Variants in MTUS2 observed in about 807,000 individuals in gnomAD.
MTUS2 encodes the protein microtubule associated scaffold protein 2.
MTUS2 carries 40 observed loss-of-function variants against 114.1 expected under a neutral mutation model. The observed-to-expected ratio is 0.35, with a 90% CI of 0.27 to 0.46. MTUS2 has a LOEUF of 0.46. MTUS2 is among the 20% of genes least tolerant of loss of function. The probability of loss-of-function intolerance (pLI) is 1.00; values close to 1 mark genes in which losing one functional copy is unlikely to be tolerated. For missense variants in MTUS2, 1,679 were observed against 1,705.4 expected, an observed-to-expected ratio of 0.98 and a Z score of 0.27; for synonymous variants, 688 against 672.0, an observed-to-expected ratio of 1.02 and a Z score of -0.37.
intron 4 of MTUS2, among the ~76,000 whole-genome samples, chr13:29,035,239 G>A (rs796456051): frequency 1.1e-4 from 17 of 152,292 alleles, no homozygotes; most frequent in Non-Finnish European, 1.6e-4. Context: ...AGAGAACAAT[G>A]TATGTTCCCA....
intron 2 of MTUS2, among the ~76,000 whole-genome samples, chr13:28,942,103 A>G (rs1882270642): frequency 6.6e-6 from 1 of 152,216 alleles, no homozygotes; most frequent in Non-Finnish European, 1.5e-5. Context: ...AAAGTAACAA[A>G]GATCTTACAT....
rs189646665 is a variant in MTUS2, at chr13:28,820,907, T to C, written c.-316+296T>C. On this transcript the variant is annotated intron_variant, in intron 1 of 15. Transcript: ENST00000612955. ...AGTTCTCCCCTACCCACCCCCAGCTTTGGATAATTTGGTCTGAGTCTTCGT... is the reference window on the plus strand; with the variant it reads ...AGTTCTCCCCTACCCACCCCCAGCTCTGGATAATTTGGTCTGAGTCTTCGT... 1.1e-3 allele frequency among the ~76,000 whole-genome samples: 174 copies of C among 152,278 alleles called. 1 individual carries two copies. The highest frequency in any genetic ancestry group is 1.2e-3 in the Non-Finnish European group (80 of 68,004).
At chr13:28,973,958 G>A (rs1043366741) in intron 2 of MTUS2, among the ~76,000 whole-genome samples, 1 of 152,204 alleles carries the variant, frequency 6.6e-6, no homozygotes, top group African/African-American at 2.4e-5. Context: ...AGCAGCCTGT[G>A]TTTTTATGTA....
chr13:29,198,843 T>C, intron 5 of MTUS2, among the ~76,000 whole-genome samples: 1 of 152,038 alleles, frequency 6.6e-6, no homozygotes, highest in East Asian at 1.9e-4. Context: ...TGAATGGGAG[T>C]TCACTCATGA....
chr13:29,003,213 C>T (rs796861919), intron 2 of MTUS2, among the ~76,000 whole-genome samples: 16 of 151,936 alleles, frequency 1.1e-4, no homozygotes, highest in African/African-American at 3.4e-4. Flanking sequence ...ACTTCTAAGC[C>T]TTTTGCATAA....
At chr13:29,375,561 A>AT (rs1566163328) in intron 8 of MTUS2, among the ~76,000 whole-genome samples, 7 of 5,070 alleles carry the variant, frequency 1.4e-3, no homozygotes, top group Admixed American at 3.4e-3. Context: ...ATATATACGT[A>AT]TATATATATA....
rs543112185 is a variant in MTUS2 at position 29,248,515 on chromosome 13, G to A, written c.2645-33189G>A. 1.1e-4 allele frequency among the ~76,000 whole-genome samples: 16 copies of A among 152,216 alleles called. 1 individual carries two copies. In the South Asian group the frequency reaches 2.7e-3, roughly 26 times the overall value. On this transcript the variant is annotated intron_variant, in intron 5 of 15. Coordinates refer to ENST00000612955, the MANE Select transcript of MTUS2 (RefSeq NM_001033602.4). ...AAGTTCCAGGATACATGTGGTGAAT[G>A]TACAGGTTTGTAATCTAGGTATATG...
At chr13:29,441,627 G>A (rs1362682020) in intron 9 of MTUS2, among the ~76,000 whole-genome samples, 1 of 152,064 alleles carries the variant, frequency 6.6e-6, no homozygotes, top group Non-Finnish European at 1.5e-5. Flanking sequence ...ACTTTTTCCT[G>A]AAGGGAAGCT....
intron 2 of MTUS2, among the ~76,000 whole-genome samples, chr13:28,980,587 C>G (rs112965673): frequency 0.012 from 1,875 of 152,300 alleles, 33 homozygotes; most frequent in African/African-American, 0.043. Flanking sequence ...CAGGGAGCTG[C>G]TTCTTTTAGC....
chr13:29,232,290 ACACACACGCGCGCG>A (rs1210360369), intron 5 of MTUS2, among the ~76,000 whole-genome samples: 1 of 35,228 alleles, frequency 2.8e-5, no homozygotes, highest in Non-Finnish European at 5.2e-5. Context: ...ACACACACAC[ACACACACGCGCGCG>A]CGCACACACA....
chr13:29,226,168 T>C (rs1896100778), intron 5 of MTUS2, among the ~76,000 whole-genome samples: 1 of 152,188 alleles, frequency 6.6e-6, no homozygotes, highest in Non-Finnish European at 1.5e-5. Flanking sequence ...ACATTACATA[T>C]TCTTCATGGG....
intron 5 of MTUS2, among the ~76,000 whole-genome samples, chr13:29,228,870 T>G (rs1896214999): frequency 6.6e-6 from 1 of 152,112 alleles, no homozygotes; most frequent in African/African-American, 2.4e-5. Context: ...AATGCACAGG[T>G]TTGTGCTTTG....
intron 2 of MTUS2, among the ~76,000 whole-genome samples, chr13:29,003,671 A>G (rs530931380): frequency 2.0e-5 from 3 of 152,280 alleles, no homozygotes; most frequent in Non-Finnish European, 2.9e-5. Context: ...ACTCCTTAGC[A>G]TGATATTTTT....
intron 6 of MTUS2, among the ~76,000 whole-genome samples, chr13:29,297,792 A>G (rs12859926): frequency 0.044 from 6,765 of 152,282 alleles, 159 homozygotes; most frequent in East Asian, 0.089. Context: ...GATTTCCTGT[A>G]AGTTCATAAT....
At chr13:29,426,598 A>C (rs1022434017) in intron 8 of MTUS2, among the ~76,000 whole-genome samples, 4 of 152,198 alleles carry the variant, frequency 2.6e-5, no homozygotes, top group African/African-American at 9.7e-5. Context: ...CGACCACTCT[A>C]GGTACTTCAT....
At chr13:29,275,744 A>G (rs1898040003) in intron 5 of MTUS2, among the ~76,000 whole-genome samples, 1 of 152,220 alleles carries the variant, frequency 6.6e-6, no homozygotes, top group African/African-American at 2.4e-5. Context: ...GTATAGATGT[A>G]CCACATTTTC....
rs2138024375 is a variant in MTUS2, at chr13:28,850,079, T to G, written c.-243+10229T>G. Among the ~76,000 whole-genome samples the G allele has an allele frequency of 1.3e-5, 2 of 152,248 alleles. 1 individual carries two copies. The highest frequency in any genetic ancestry group is 2.9e-5 in the Non-Finnish European group (2 of 68,022). On this transcript the variant is annotated intron_variant, in intron 2 of 15. Transcript: ENST00000612955. Reference sequence around the variant, plus strand: ...CGTAAGGATGGGAGAGCATCTCCCTTTGGTTCATCAGGGCCCACTGGATGG... The same window carrying G: ...CGTAAGGATGGGAGAGCATCTCCCTGTGGTTCATCAGGGCCCACTGGATGG...
At chr13:29,258,831 G>T (rs1273340668) in intron 5 of MTUS2, among the ~76,000 whole-genome samples, 1 of 152,106 alleles carries the variant, frequency 6.6e-6, no homozygotes, top group Admixed American at 6.5e-5. Context: ...CACTGTTCAG[G>T]GTGGGAAACA....
At chr13:29,000,700 A>G (rs1313609048) in intron 2 of MTUS2, among the ~76,000 whole-genome samples, 6 of 152,184 alleles carry the variant, frequency 3.9e-5, no homozygotes, top group Non-Finnish European at 1.5e-5. Flanking sequence ...TAAATATATC[A>G]GGTCCATTCA....
Sources: allele counts gnomAD v4.1 joint callset (sites outside exome capture counted in the v4.1 genomes callset), GRCh38; gene constraint gnomAD v4.1.1; transcripts MANE v1.5; gene names NCBI Gene and HGNC (gene_info 2026-07-23, HGNC 2026-07-21).